NDST3: variants seen among roughly 807,000 people sequenced by gnomAD.
The protein encoded by NDST3 is N-deacetylase and N-sulfotransferase 3.
NDST3 carries 58 observed loss-of-function variants against 96.1 expected under a neutral mutation model. The ratio of observed to expected loss-of-function variants is 0.60; its 90% CI spans 0.49 to 0.75. NDST3 has a LOEUF of 0.75. NDST3 is among the 30% of genes least tolerant of loss of function. The probability of loss-of-function intolerance (pLI) is 0.00; values close to 1 mark genes in which losing one functional copy is unlikely to be tolerated. For synonymous variants in NDST3, 333 were observed against 359.7 expected, an observed-to-expected ratio of 0.93 and a Z score of 0.84; for missense variants, 788 against 1,034.2, an observed-to-expected ratio of 0.76 and a Z score of 3.27.
At chr4:118,153,226 T>C (rs528633471) in intron 6 of NDST3, among the ~76,000 whole-genome samples, 4 of 152,312 alleles carry the variant, frequency 2.6e-5, no homozygotes, top group Non-Finnish European at 4.4e-5. Context: ...CTCTCTTAGA[T>C]GGGACCAGCT....
chr4:118,240,001 A>G (rs1374275320), intron 10 of NDST3, among the ~76,000 whole-genome samples: 1 of 152,130 alleles, frequency 6.6e-6, no homozygotes, highest in Non-Finnish European at 1.5e-5. Context: ...GGAATGTATG[A>G]TAAAAGCTGT....
At chr4:118,050,510 A>G (rs571155736) in intron 1 of NDST3, among the ~76,000 whole-genome samples, 1 of 152,326 alleles carries the variant, frequency 6.6e-6, no homozygotes, top group East Asian at 1.9e-4. Flanking sequence ...CTGATAAATG[A>G]CTTCAGGAAA....
intron 4 of NDST3, among the ~76,000 whole-genome samples, chr4:118,134,401 A>G (rs1732900895): frequency 6.6e-6 from 1 of 152,236 alleles, no homozygotes; most frequent in Admixed American, 6.5e-5. Context: ...TTTAAATATT[A>G]CTTTGCAGGG....
chr4:118,057,457 G>A (rs914323268), intron 2 of NDST3, among the ~76,000 whole-genome samples: 1 of 151,780 alleles, frequency 6.6e-6, no homozygotes, highest in Non-Finnish European at 1.5e-5. Context: ...CTCAGCCAGG[G>A]AAAAAATTTA....
intron 6 of NDST3, among the ~76,000 whole-genome samples, chr4:118,161,622 C>G (rs189647335): frequency 7.2e-5 from 11 of 152,282 alleles, no homozygotes; most frequent in Non-Finnish European, 1.5e-4. Flanking sequence ...AGTTTGATCT[C>G]AGACTGCTTT....
intron 6 of NDST3, among the ~76,000 whole-genome samples, chr4:118,157,768 T>C (rs1483114406): frequency 1.3e-5 from 2 of 152,024 alleles, no homozygotes; most frequent in Non-Finnish European, 2.9e-5. Context: ...ATAGTCAAAA[T>C]AATAAATGAA....
At chr4:118,176,995 G>A (rs895381893) in intron 6 of NDST3, among the ~76,000 whole-genome samples, 12 of 152,008 alleles carry the variant, frequency 7.9e-5, no homozygotes, top group Admixed American at 2.0e-4. Context: ...AATTATCTAT[G>A]AATTGTGAGG....
intron 5 of NDST3, among the ~76,000 whole-genome samples, chr4:118,140,599 T>C (rs926279524): frequency 7.9e-5 from 12 of 152,166 alleles, no homozygotes; most frequent in African/African-American, 2.9e-4. Context: ...CTGGGTAATT[T>C]ATAAAGGAAA....
chr4:118,154,072 C>T (rs1734581244), intron 6 of NDST3, among the ~76,000 whole-genome samples: 1 of 152,094 alleles, frequency 6.6e-6, no homozygotes, highest in Admixed American at 6.6e-5. Context: ...CACATGTACA[C>T]ACACAGAGAC....
chr4:118,097,535 T>A (rs907100680), intron 2 of NDST3, among the ~76,000 whole-genome samples: 1 of 151,982 alleles, frequency 6.6e-6, no homozygotes, highest in Non-Finnish European at 1.5e-5. Flanking sequence ...ACCCAGGGTA[T>A]GTTGCCTTTG....
At chr4:118,165,685 T>C (rs1387310597) in intron 6 of NDST3, among the ~76,000 whole-genome samples, 1 of 151,970 alleles carries the variant, frequency 6.6e-6, no homozygotes, top group African/African-American at 2.4e-5. Flanking sequence ...ATAAGTCTCT[T>C]TTCAGAACAT....
chr4:118,113,476 T>C (rs1730810895), intron 3 of NDST3, among the ~76,000 whole-genome samples: 1 of 152,208 alleles, frequency 6.6e-6, no homozygotes, highest in African/African-American at 2.4e-5. Flanking sequence ...TTAATCTTTG[T>C]TTCTTCTGTA....
Position 118,147,263 on chromosome 4 carries a change from G to A in NDST3, c.1539+3579G>A, listed in dbSNP as rs536033529. 3.9e-5 allele frequency among the ~76,000 whole-genome samples: 6 copies of A among 152,120 alleles called. No individual in the cohort carries two copies. The South Asian group carries it at 6.2e-4, about 16-fold the overall frequency. On this transcript the variant is annotated intron_variant, in intron 6 of 13. Transcript: ENST00000296499. ...ACTGAATCAGGTTTTGGAGCCTGTC[G>A]GTCAGAAACAGACCTCAGAGTGTTC...
At chr4:118,230,505 G>A (rs866542831) in intron 8 of NDST3, among the ~76,000 whole-genome samples, 1 of 152,040 alleles carries the variant, frequency 6.6e-6, no homozygotes, top group Non-Finnish European at 1.5e-5. Flanking sequence ...AACCCGGCGG[G>A]CGGAGCTTGC....
intron 2 of NDST3, among the ~76,000 whole-genome samples, chr4:118,070,018 C>T (rs980147624): frequency 3.3e-5 from 5 of 152,074 alleles, no homozygotes; most frequent in African/African-American, 9.7e-5. Flanking sequence ...GTACAGTGTT[C>T]CTGCAGTGAG....
chr4:118,144,727 AATT>A, intron 6 of NDST3, among the ~76,000 whole-genome samples: 1 of 132,048 alleles, frequency 7.6e-6, no homozygotes. Flanking sequence ...ATGGAAAAAA[AATT>A]ATTATTTCCA....
chr4:118,141,299 T>C (rs1733554851), intron 5 of NDST3, among the ~76,000 whole-genome samples: 1 of 152,106 alleles, frequency 6.6e-6, no homozygotes, highest in African/African-American at 2.4e-5. Context: ...ATCCTTTCCG[T>C]AGCATAAGAA....
At chr4:118,112,253 G>C (rs1730700127) in intron 3 of NDST3, among the ~76,000 whole-genome samples, 1 of 152,186 alleles carries the variant, frequency 6.6e-6, no homozygotes, top group Non-Finnish European at 1.5e-5. Context: ...AAAGAACCCT[G>C]AGATCTGCTG....
chr4:118,159,500 G>T (rs1734949791), intron 6 of NDST3, among the ~76,000 whole-genome samples: 1 of 152,038 alleles, frequency 6.6e-6, no homozygotes, highest in African/African-American at 2.4e-5. Flanking sequence ...GCTATTTTTT[G>T]AAATGCACAG....
Sources: gnomAD v4.1 joint callset for allele counts (sites outside exome capture counted in the v4.1 genomes callset) on GRCh38, gnomAD v4.1.1 for gene constraint, MANE v1.5 for transcripts, NCBI Gene and HGNC (gene_info 2026-07-23, HGNC 2026-07-21) for gene names.